Variants in ROR1 observed in about 807,000 individuals in gnomAD.
The protein encoded by ROR1 is ROR family WNT receptor 1.
ROR1 carries 19 observed loss-of-function variants against 78.8 expected under a neutral mutation model. That is an observed-to-expected ratio of 0.24 (90% confidence interval 0.17 to 0.35). ROR1 has a LOEUF of 0.35. Ranked by LOEUF, ROR1 falls within the 10% of genes least tolerant of loss-of-function variation. ROR1 has a pLI of 1.00. For synonymous variants in ROR1, 386 were observed against 433.6 expected, an observed-to-expected ratio of 0.89 and a Z score of 1.36; for missense variants, 917 against 1,177.8, an observed-to-expected ratio of 0.78 and a Z score of 3.24.
At chr1:63,913,823 G>A (rs1645589350) in intron 1 of ROR1, among the ~76,000 whole-genome samples, 1 of 152,154 alleles carries the variant, frequency 6.6e-6, no homozygotes, top group South Asian at 2.1e-4. Flanking sequence ...AAGGTGATTC[G>A]CACTGGAGGT....
intron 7 of ROR1, among the ~76,000 whole-genome samples, chr1:64,144,552 G>A (rs1649424966): frequency 6.6e-6 from 1 of 152,344 alleles, no homozygotes; most frequent in South Asian, 2.1e-4. Flanking sequence ...CCATGTGCCA[G>A]ATCCTATGTG....
chr1:64,077,417 C>T (rs578028327), intron 4 of ROR1, among the ~76,000 whole-genome samples: 9 of 152,228 alleles, frequency 5.9e-5, no homozygotes, highest in Non-Finnish European at 1.0e-4. Flanking sequence ...ACCTGAACCT[C>T]AGTGGCTGAC....
chr1:64,031,785 A>G (rs1009565587), intron 2 of ROR1, among the ~76,000 whole-genome samples: 7 of 151,952 alleles, frequency 4.6e-5, no homozygotes, highest in Non-Finnish European at 5.9e-5. Flanking sequence ...AGATGGTTTA[A>G]CTCATTATTT....
intron 4 of ROR1, among the ~76,000 whole-genome samples, chr1:64,051,378 A>G (rs879726677): frequency 9.2e-5 from 14 of 151,750 alleles, no homozygotes; most frequent in Non-Finnish European, 1.8e-4. Context: ...TGAACCCGGG[A>G]GGCGGAGCTT....
chr1:64,125,153 G>A (rs1457338227), intron 4 of ROR1, among the ~76,000 whole-genome samples: 3 of 152,176 alleles, frequency 2.0e-5, no homozygotes, highest in Admixed American at 6.5e-5. Context: ...AACACTAAAC[G>A]TTTTTACGTA....
chr1:63,909,021 A>G (rs1645548790), intron 1 of ROR1, among the ~76,000 whole-genome samples: 1 of 152,296 alleles, frequency 6.6e-6, no homozygotes, highest in Non-Finnish European at 1.5e-5. Flanking sequence ...TCTGACCCAT[A>G]TGTGGTTTCC....
At chr1:64,030,844 T>C (rs1377342703) in intron 2 of ROR1, among the ~76,000 whole-genome samples, 1 of 152,170 alleles carries the variant, frequency 6.6e-6, no homozygotes, top group East Asian at 1.9e-4. Context: ...GTTTCATGTA[T>C]GTTGGTCCAG....
intron 2 of ROR1, among the ~76,000 whole-genome samples, chr1:64,011,228 C>A (rs377720069): frequency 6.6e-6 from 1 of 152,260 alleles, no homozygotes; most frequent in East Asian, 1.9e-4. Context: ...TCAGGCACTC[C>A]ATGTTACTCC....
At chr1:64,035,410 C>G (rs1414040467) in intron 2 of ROR1, among the ~76,000 whole-genome samples, 2 of 152,198 alleles carry the variant, frequency 1.3e-5, no homozygotes, top group African/African-American at 4.8e-5. Context: ...TTCAGGGAGG[C>G]TGCCTACCTC....
intron 4 of ROR1, among the ~76,000 whole-genome samples, chr1:64,130,536 C>T (rs1268145022): frequency 1.3e-5 from 2 of 152,110 alleles, no homozygotes; most frequent in Admixed American, 1.3e-4. Flanking sequence ...TCCAGAGATG[C>T]TCCCTCTCCC....
intron 1 of ROR1, among the ~76,000 whole-genome samples, chr1:63,917,421 T>G (rs918611095): frequency 6.6e-6 from 1 of 152,182 alleles, no homozygotes; most frequent in African/African-American, 2.4e-5. Flanking sequence ...TGGCATATAC[T>G]TTAAAATTTT....
At chr1:64,038,669 T>C (rs1254766483) in intron 2 of ROR1, among the ~76,000 whole-genome samples, 1 of 152,212 alleles carries the variant, frequency 6.6e-6, no homozygotes, top group Non-Finnish European at 1.5e-5. Flanking sequence ...CACTTTATCA[T>C]GATTATCTCT....
At chr1:63,936,755 C>T (rs2100451330) in intron 1 of ROR1, among the ~76,000 whole-genome samples, 1 of 152,292 alleles carries the variant, frequency 6.6e-6, no homozygotes, top group East Asian at 1.9e-4. Context: ...CTTTCCTTAG[C>T]TCCTTGTAAA....
At chr1:64,173,055 A>G (rs1650282814) in intron 8 of ROR1, among the ~76,000 whole-genome samples, 2 of 152,202 alleles carry the variant, frequency 1.3e-5, no homozygotes, top group African/African-American at 4.8e-5. Context: ...GTCTATAGTT[A>G]GGATTCATTT....
chr1:64,123,295 A>G (rs1648607144), intron 4 of ROR1, among the ~76,000 whole-genome samples: 1 of 152,206 alleles, frequency 6.6e-6, no homozygotes, highest in African/African-American at 2.4e-5. Context: ...ATGGAGGGAC[A>G]CTATGTCTTG....
intron 1 of ROR1, among the ~76,000 whole-genome samples, chr1:63,995,696 T>C (rs889146738): frequency 3.3e-5 from 5 of 152,214 alleles, no homozygotes; most frequent in African/African-American, 1.2e-4. Flanking sequence ...TAAATGGACA[T>C]GTATTACCCA....
intron 1 of ROR1, among the ~76,000 whole-genome samples, chr1:63,845,990 A>T (rs1645077975): frequency 6.6e-6 from 1 of 152,188 alleles, no homozygotes; most frequent in Non-Finnish European, 1.5e-5. Flanking sequence ...TCCTTCTGGA[A>T]TACTGATTTT....
At chr1:63,887,149 G>A (rs1645362753) in intron 1 of ROR1, among the ~76,000 whole-genome samples, 1 of 152,104 alleles carries the variant, frequency 6.6e-6, no homozygotes, top group Admixed American at 6.5e-5. Flanking sequence ...GGACAAAGGG[G>A]CGGTTGTCTG....
intron 2 of ROR1, among the ~76,000 whole-genome samples, chr1:64,040,565 A>G (rs957900768): frequency 6.6e-6 from 1 of 152,180 alleles, no homozygotes; most frequent in Non-Finnish European, 1.5e-5. Context: ...AAACAACAGA[A>G]ACTTATTTCT....
Sources: allele counts gnomAD v4.1 joint callset (sites outside exome capture counted in the v4.1 genomes callset), GRCh38; gene constraint gnomAD v4.1.1; transcripts MANE v1.5; gene names NCBI Gene and HGNC (gene_info 2026-07-23, HGNC 2026-07-21).